The following CHST11 variants were observed in gnomAD, a reference collection of about 807,000 sequenced individuals.
CHST11 encodes carbohydrate sulfotransferase 11.
A neutral mutation model predicts 30.4 loss-of-function variants in CHST11; 9 were observed. The ratio of observed to expected loss-of-function variants is 0.30; its 90% CI spans 0.18 to 0.52. The LOEUF is 0.52. Ranked by LOEUF, CHST11 falls within the 20% of genes least tolerant of loss-of-function variation. CHST11 has a pLI of 0.97. For missense variants in CHST11, 348 were observed against 460.6 expected, an observed-to-expected ratio of 0.76 and a Z score of 2.24; for synonymous variants, 152 against 187.8, an observed-to-expected ratio of 0.81 and a Z score of 1.56.
intron 1 of CHST11, among the ~76,000 whole-genome samples, chr12:104,568,395 T>TG (rs977426367): frequency 1.8e-4 from 27 of 152,126 alleles, no homozygotes; most frequent in African/African-American, 6.3e-4. Context: ...TGCCATGGGA[T>TG]GGGAACAGAG....
At chr12:104,702,243 T>G (rs2039995500) in intron 2 of CHST11, among the ~76,000 whole-genome samples, 1 of 152,120 alleles carries the variant, frequency 6.6e-6, no homozygotes, top group South Asian at 2.1e-4. Flanking sequence ...GCTTGATAAA[T>G]AATAATAATA....
chr12:104,491,164 T>C (rs965346298), intron 1 of CHST11, among the ~76,000 whole-genome samples: 6 of 152,166 alleles, frequency 3.9e-5, no homozygotes, highest in African/African-American at 1.2e-4. Flanking sequence ...CCTCTCACTG[T>C]GTACATACTA....
At chr12:104,513,149 G>GGGGGA (rs2037986329) in intron 1 of CHST11, among the ~76,000 whole-genome samples, 1 of 105,062 alleles carries the variant, frequency 9.5e-6, no homozygotes, top group Non-Finnish European at 2.0e-5. Flanking sequence ...TGGGGGTGGG[G>GGGGGA]AGGGAGGGAG....
chr12:104,514,924 G>T (rs375615060), intron 1 of CHST11, among the ~76,000 whole-genome samples: 3 of 152,194 alleles, frequency 2.0e-5, no homozygotes, highest in Admixed American at 6.5e-5. Context: ...GTAAACTGGG[G>T]TAAAGAAGGA....
intron 1 of CHST11, among the ~76,000 whole-genome samples, chr12:104,505,265 G>A (rs2135977456): frequency 6.6e-6 from 1 of 152,268 alleles, no homozygotes; most frequent in Middle Eastern, 3.4e-3. Context: ...GACTTGTAAA[G>A]GGGTGAGAGT....
intron 1 of CHST11, among the ~76,000 whole-genome samples, chr12:104,488,066 G>A (rs574815062): frequency 5.9e-5 from 9 of 151,962 alleles, no homozygotes; most frequent in Non-Finnish European, 8.8e-5. Context: ...GTGCCACCAC[G>A]CCTGGTTTAA....
rs114103743 is a variant in CHST11 at position 104,698,427 on chromosome 12, G to A, written c.205-58522G>A. Among the ~76,000 whole-genome samples the A allele has an allele frequency of 9.2e-3, 1,394 of 152,216 alleles. 21 individuals are homozygous for A. Among genetic ancestry groups the A allele is most frequent in the African/African-American group, 0.032 (1,332 of 41,536 alleles). On this transcript the variant is annotated intron_variant, in intron 2 of 2. Coordinates refer to ENST00000303694, the MANE Select transcript of CHST11 (RefSeq NM_018413.6). The stretch of plus-strand genomic sequence containing the variant: ...AGTTCTTACCCAGGGAGCTTTCCTC[G>A]GGCTCCAGTGCAGGACTATCTTTTT...
intron 2 of CHST11, among the ~76,000 whole-genome samples, chr12:104,604,466 G>A (rs1045457247): frequency 6.6e-6 from 1 of 152,208 alleles, no homozygotes; most frequent in Non-Finnish European, 1.5e-5. Context: ...TCCCACGCAA[G>A]TTCAGTAAGT....
intron 1 of CHST11, among the ~76,000 whole-genome samples, chr12:104,540,716 G>T (rs1258183667): frequency 1.3e-5 from 2 of 150,810 alleles, no homozygotes; most frequent in African/African-American, 4.9e-5. Context: ...TTCAGTCTGG[G>T]AAAGCCACGG....
chr12:104,494,666 G>A (rs2037782380), intron 1 of CHST11, among the ~76,000 whole-genome samples: 1 of 152,192 alleles, frequency 6.6e-6, no homozygotes, highest in African/African-American at 2.4e-5. Flanking sequence ...AAGTCACCAC[G>A]AATTCAGAAT....
intron 1 of CHST11, among the ~76,000 whole-genome samples, chr12:104,581,074 C>T (rs2038738672): frequency 6.6e-6 from 1 of 152,248 alleles, no homozygotes; most frequent in South Asian, 2.1e-4. Flanking sequence ...GTCCTGATTT[C>T]TGTCCCTGAA....
chr12:104,487,602 C>T (rs1316174985), intron 1 of CHST11, among the ~76,000 whole-genome samples: 2 of 152,206 alleles, frequency 1.3e-5, no homozygotes, highest in Non-Finnish European at 2.9e-5. Context: ...TTTCATTGTC[C>T]TTATTTTACT....
intron 1 of CHST11, among the ~76,000 whole-genome samples, chr12:104,544,715 AAAAAAAAG>A (rs2038326221): frequency 6.9e-6 from 1 of 143,930 alleles, no homozygotes; most frequent in Non-Finnish European, 1.5e-5. Context: ...TAAAAAAAAA[AAAAAAAAG>A]AAATCAGAAA....
chr12:104,574,789 A>G (rs2038665188), intron 1 of CHST11, among the ~76,000 whole-genome samples: 2 of 151,990 alleles, frequency 1.3e-5, no homozygotes, highest in Admixed American at 6.6e-5. Flanking sequence ...GCACACCAAC[A>G]TGGCACATGT....
Position 104,458,571 on chromosome 12 carries a change from A to C in CHST11, c.118+1042A>C, listed in dbSNP as rs1016495967. Among the ~76,000 whole-genome samples, 3 of 152,140 alleles carry C rather than the reference A, an allele frequency of 2.0e-5. No homozygotes were observed. Among genetic ancestry groups the C allele is most frequent in the Non-Finnish European group, 4.4e-5 (3 of 68,010 alleles). ...TCGGCTGCGAAGCCCAACAGGTAGA[A>C]CGTTCCGAGAAGCCTTCCGGGTAAC... On this transcript the variant is annotated intron_variant, in intron 1 of 2. Transcript: ENST00000303694. The surrounding 1 kb of genome is among the most constrained non-coding windows in gnomAD (Gnocchi z 5.7).
chr12:104,465,944 C>T (rs1412834950), intron 1 of CHST11, among the ~76,000 whole-genome samples: 1 of 152,036 alleles, frequency 6.6e-6, no homozygotes, highest in African/African-American at 2.4e-5. Flanking sequence ...TCTGGCTCCT[C>T]TGCCTCCTGG....
intron 1 of CHST11, among the ~76,000 whole-genome samples, chr12:104,577,232 T>G (rs1469672246): frequency 7.5e-6 from 1 of 133,734 alleles, no homozygotes; most frequent in East Asian, 2.5e-4. Flanking sequence ...CTGCAGCCCT[T>G]CATTTTTTTT....
At chr12:104,575,683 T>C (rs1265456953) in intron 1 of CHST11, among the ~76,000 whole-genome samples, 1 of 152,060 alleles carries the variant, frequency 6.6e-6, no homozygotes, top group East Asian at 1.9e-4. Flanking sequence ...CAGCCTGGCC[T>C]GCATGAGCCA....
intron 1 of CHST11, among the ~76,000 whole-genome samples, chr12:104,481,962 C>T (rs547215343): frequency 4.4e-4 from 66 of 151,460 alleles, no homozygotes; most frequent in African/African-American, 1.5e-3. Flanking sequence ...CTCAGCCTCC[C>T]GAGTAGCTGG....
Sources: gnomAD v4.1 joint callset for allele counts (sites outside exome capture counted in the v4.1 genomes callset) on GRCh38, gnomAD v4.1.1 for gene constraint, Gnocchi (gnomAD v3.1) non-coding constraint, MANE v1.5 for transcripts, NCBI Gene and HGNC (gene_info 2026-07-23, HGNC 2026-07-21) for gene names.